The following DZIP1L variants were observed in gnomAD, a reference collection of about 807,000 sequenced individuals.
DZIP1L encodes the protein DAZ interacting zinc finger protein 1 like, also known as cilium assembly protein DZIP1L.
DZIP1L carries 90 observed loss-of-function variants against 88.7 expected under a neutral mutation model. That is an observed-to-expected ratio of 1.02 (90% CI 0.86 to 1.21). The LOEUF (loss-of-function observed/expected upper bound fraction) is 1.21. Among genes scored for constraint, DZIP1L ranks in the 50% most tolerant of loss-of-function variants. DZIP1L has a pLI of 0.00. For synonymous variants in DZIP1L, 363 were observed against 372.1 expected, an observed-to-expected ratio of 0.98 and a Z score of 0.28; for missense variants, 932 against 955.8, an observed-to-expected ratio of 0.98 and a Z score of 0.33.
chr3:138,071,495 C>A, intron 12 of DZIP1L, 148 bp downstream of exon 12: 1 of 855,928 alleles, frequency 1.2e-6, no homozygotes, highest in East Asian at 2.7e-5. Context: ...TGGACTCAGT[C>A]CCCTGTAAGG....
rs1943816402 is a variant in DZIP1L, at chr3:138,084,239, G to A, written c.1077C>T (p.Asn359=). 1.9e-6 allele frequency: 3 copies of A among 1,613,930 alleles called. No individual in the cohort carries two copies. The East Asian group carries it at 6.7e-5, about 36-fold the overall frequency. The change falls in exon 8 of 16, where the codon AAC becomes AAT. Residue 359 remains asparagine, a synonymous_variant. Transcript: ENST00000327532. ...GAGACAGGGAGGCCTGGAGCCTCTG[G>A]TTCTCCTCCTGTAGCTGGCAGGCAC... ...MAEKKELQEE[N]QRLQASLSQD...
intron 10 of DZIP1L, 59 bp from the exon 11 acceptor site, chr3:138,077,691 GC>G: frequency 1.2e-6 from 2 of 1,602,490 alleles, no homozygotes; most frequent in Non-Finnish European, 1.7e-6. Context: ...CATTCCCAGA[GC>G]CCTACTGCAC....
chr3:138,079,239 C>T (rs1012254530), intron 10 of DZIP1L, among the ~76,000 whole-genome samples: 2 of 152,202 alleles, frequency 1.3e-5, no homozygotes, highest in Non-Finnish European at 2.9e-5. Flanking sequence ...CTCTCTAGAA[C>T]CCTGCATCCA....
chr3:138,093,194 T>A (rs1052868725), intron 4 of DZIP1L, among the ~76,000 whole-genome samples: 4 of 152,264 alleles, frequency 2.6e-5, no homozygotes, highest in African/African-American at 9.6e-5. Context: ...GATATTGTGT[T>A]AACAGGCTTG....
intron 5 of DZIP1L, among the ~76,000 whole-genome samples, chr3:138,091,335 G>A (rs1576475410): frequency 1.3e-5 from 2 of 151,784 alleles, no homozygotes; most frequent in East Asian, 2.0e-4. Flanking sequence ...AAAGAATGAC[G>A]GCCGGGCGCA....
Position 138,067,691 on chromosome 3 carries a change from C to A in DZIP1L, c.1842G>T (p.Pro614=), listed in dbSNP as rs147742959. 4 of 1,558,444 alleles carry A rather than the reference C, an allele frequency of 2.6e-6. No homozygotes were observed. The highest frequency in any genetic ancestry group is 4.1e-5 in the Admixed American group (2 of 49,008). The change falls in exon 14 of 16, where the codon CCG becomes CCT. Residue 614 remains proline (P), a synonymous_variant. Transcript: ENST00000327532. ...PSSGPGMSTP[P]FSSEEDSEGD... ...CCTCTGAGTCCTCTTCAGAACTGAA[C>A]GGGGGCGTGCTGCCACGAGGAGGAG...
At chr3:138,084,821 C>T (rs1295533545) in intron 7 of DZIP1L, among the ~76,000 whole-genome samples, 5 of 151,818 alleles carry the variant, frequency 3.3e-5, no homozygotes, top group African/African-American at 7.3e-5. Context: ...TTTGAAAATG[C>T]TTCAGTTTCA....
chr3:138,086,152 A>G (rs1298826854), intron 7 of DZIP1L, among the ~76,000 whole-genome samples: 1 of 150,478 alleles, frequency 6.6e-6, no homozygotes, highest in Non-Finnish European at 1.5e-5. Flanking sequence ...GATATACCTA[A>G]TGCTAAATGA....
intron 1 of DZIP1L, chr3:138,112,306 AT>A (rs2042631657): frequency 6.6e-6 from 1 of 152,188 alleles, no homozygotes; most frequent in Non-Finnish European, 1.5e-5. Flanking sequence ...CAAACTCTTA[AT>A]AATTATGATA....
rs766666392 is a variant in DZIP1L, at chr3:138,087,027, A to G, written c.1000-4T>C. The G allele has an allele frequency of 1.5e-5, 25 of 1,614,016 alleles. No individual in the cohort carries two copies. The South Asian group carries it at 2.2e-4, about 14-fold the overall frequency. ...CTTTTCTTTTCCACTCCGTTTTCTG[A>G]AAAAGATTAAAAGCTTATCAAATGG... On this transcript the variant is annotated splice_region_variant and splice_polypyrimidine_tract_variant and intron_variant, in intron 6 of 15. Transcript: ENST00000327532.
intron 13 of DZIP1L, 100 bp from the exon 14 acceptor site, chr3:138,067,800 G>A (rs1942980132): frequency 5.2e-6 from 7 of 1,350,560 alleles, no homozygotes; most frequent in African/African-American, 1.5e-5. Flanking sequence ...TTTGCTCAGG[G>A]CCAGCCCTGC....
intron 2 of DZIP1L, among the ~76,000 whole-genome samples, chr3:138,103,262 C>A (rs1332270080): frequency 6.6e-6 from 1 of 152,106 alleles, no homozygotes; most frequent in Non-Finnish European, 1.5e-5. Flanking sequence ...AATCTACACA[C>A]ACATACACAC....
intron 6 of DZIP1L, 26 bp from the exon 7 acceptor site, chr3:138,087,049 A>T (rs1214187870): frequency 6.2e-7 from 1 of 1,612,006 alleles, no homozygotes; most frequent in South Asian, 1.1e-5. Flanking sequence ...AGCTTATCAA[A>T]TGGGCCCTTG....
At chr3:138,088,589 G>T in intron 5 of DZIP1L, 82 bp from the exon 6 acceptor site, 1 of 1,482,370 alleles carries the variant, frequency 6.7e-7, no homozygotes. Context: ...GTGTCAGAGG[G>T]GCACGCCTTA....
chr3:138,070,203 C>T (rs562377923), intron 12 of DZIP1L, among the ~76,000 whole-genome samples: 115 of 152,326 alleles, frequency 7.5e-4, no homozygotes, highest in African/African-American at 2.6e-3. Context: ...CTGGTCCTGG[C>T]TGATTTCCCA....
chr3:138,101,604 A>C (rs2042314449), intron 2 of DZIP1L: 1 of 797,918 alleles, frequency 1.3e-6, no homozygotes, highest in Non-Finnish European at 2.2e-6. Context: ...CGCCAGAGCC[A>C]AAGCTGGAGC....
chr3:138,094,854 C>A lies in DZIP1L; in HGVS notation c.708+8G>T. 6.2e-7 allele frequency: 1 copy of A among 1,614,170 alleles called. No homozygotes were observed. The highest frequency in any genetic ancestry group is 8.5e-7 in the Non-Finnish European group (1 of 1,180,002). ...CAAGTCTCCCTGATGTTTTCTCTCC[C>A]TGCCCACCTGGAGCTGCCGCTGCCT... On this transcript the variant is annotated splice_region_variant and intron_variant, in intron 4 of 15. Coordinates refer to ENST00000327532, the MANE Select transcript of DZIP1L (RefSeq NM_173543.3).
At chr3:138,087,112 G>T in intron 6 of DZIP1L, 89 bp from the exon 7 acceptor site, 1 of 1,211,938 alleles carries the variant, frequency 8.3e-7, no homozygotes, top group Non-Finnish European at 1.2e-6. Context: ...ACTGGCTCAT[G>T]GGTAGGCAGA....
intron 9 of DZIP1L, among the ~76,000 whole-genome samples, chr3:138,081,086 G>A (rs1219070376): frequency 6.6e-6 from 1 of 152,144 alleles, no homozygotes; most frequent in African/African-American, 2.4e-5. Context: ...AGAAGGCAAG[G>A]GATAGGAAGA....
Sources: gnomAD v4.1 joint callset for allele counts (sites outside exome capture counted in the v4.1 genomes callset) on GRCh38, gnomAD v4.1.1 for gene constraint, MANE v1.5 for transcripts, NCBI Gene and HGNC (gene_info 2026-07-23, HGNC 2026-07-21) for gene names.